Variants in PCAT7 observed in about 807,000 individuals in gnomAD.
PCAT7 encodes prostate cancer associated transcript 7 (non-protein coding).
At chr9:94,556,249 T>A (rs920296173) in intron 1 of PCAT7, among the ~76,000 whole-genome samples, 50 of 127,304 alleles carry the variant, frequency 3.9e-4, no homozygotes, top group Non-Finnish European at 1.1e-4. Context: ...AAGGGCGTGA[T>A]GACAGCGGGA....
At chr9:94,564,996 ACTGAT>A (rs1173575680) in intron 2 of PCAT7, among the ~76,000 whole-genome samples, 1 of 152,198 alleles carries the variant, frequency 6.6e-6, no homozygotes, top group Non-Finnish European at 1.5e-5. Context: ...TCCTAATTAT[ACTGAT>A]CTGATCACTG....
chr9:94,570,092 C>A (rs560614298), intron 2 of PCAT7: 44 of 152,358 alleles, frequency 2.9e-4, no homozygotes, highest in African/African-American at 1.0e-3. Flanking sequence ...TCTCTTCCTT[C>A]TGTCATGTTG....
intron 1 of PCAT7, among the ~76,000 whole-genome samples, chr9:94,558,089 A>G (rs544592443): frequency 6.6e-6 from 1 of 152,332 alleles, no homozygotes; most frequent in South Asian, 2.1e-4. Flanking sequence ...TCAAACTGTG[A>G]TTGGTCATCC....
chr9:94,563,076 G>A (rs923233194), intron 2 of PCAT7, among the ~76,000 whole-genome samples: 1 of 152,244 alleles, frequency 6.6e-6, no homozygotes, highest in African/African-American at 2.4e-5. Flanking sequence ...CACACAGCTG[G>A]TTCATGGTGA....
At chr9:94,571,659 TGCCA>T in intron 2 of PCAT7, 3 of 1,498,060 alleles carry the variant, frequency 2.0e-6, no homozygotes, top group Non-Finnish European at 2.7e-6. Context: ...GAGAACACTT[TGCCA>T]GGGGCCTGGG....
chr9:94,560,691 C>T (rs1003898571), intron 2 of PCAT7, among the ~76,000 whole-genome samples: 109 of 146,964 alleles, frequency 7.4e-4, no homozygotes, highest in Admixed American at 1.8e-3. Flanking sequence ...TTCTATTTTT[C>T]TATTATATAT....
At position 94,561,436 on chromosome 9, in the gene PCAT7, C is replaced by T. The variant is rs544251269; in HGVS notation, n.441+2284C>T. 1.2e-4 allele frequency among the ~76,000 whole-genome samples: 17 copies of T among 141,324 alleles called. No homozygotes were observed. In the South Asian group the frequency reaches 4.0e-3, roughly 33 times the overall value. The allele number at this position is 141,324 out of a possible 152,430, so 92.7% of individuals were successfully genotyped here. A position where few individuals can be genotyped will look rare whatever the true frequency, so the allele number is the denominator to read the frequency against. On this transcript the variant is annotated intron_variant and non_coding_transcript_variant, in intron 2 of 8. Coordinates refer to ENST00000647389, the Ensembl canonical transcript of PCAT7. The stretch of plus-strand genomic sequence containing the variant: ...GGAGTGCAGTGGCGCGATCTCGGCT[C>T]ACTGCAAGCTCCGCCTCCCAGGTTC...
intron 2 of PCAT7, chr9:94,571,575 C>G (rs1189905537): frequency 6.2e-7 from 1 of 1,613,624 alleles, no homozygotes; most frequent in Non-Finnish European, 8.5e-7. Context: ...TGCAGGGCAT[C>G]CTTTTCAGAA....
At chr9:94,566,420 C>G (rs1012822782) in intron 2 of PCAT7, among the ~76,000 whole-genome samples, 1 of 152,402 alleles carries the variant, frequency 6.6e-6, no homozygotes, top group South Asian at 2.1e-4. Flanking sequence ...TAAGGACATG[C>G]TCCTGCTGCA....
intron 2 of PCAT7, among the ~76,000 whole-genome samples, chr9:94,564,536 T>C (rs2131443657): frequency 6.6e-6 from 1 of 152,278 alleles, no homozygotes; most frequent in South Asian, 2.1e-4. Flanking sequence ...AAGGCCTAAT[T>C]ATCTTAAGTA....
intron 2 of PCAT7, among the ~76,000 whole-genome samples, chr9:94,571,970 T>A (rs576368562): frequency 6.6e-6 from 1 of 152,190 alleles, no homozygotes; most frequent in South Asian, 2.1e-4. Context: ...CTCTGCACAC[T>A]CAACAGCCCT....
At position 94,567,475 on chromosome 9, in the gene PCAT7, C is replaced by G. The variant is rs558886069; in HGVS notation, n.442-5504C>G. 20 of 1,582,332 alleles carry G rather than the reference C, an allele frequency of 1.3e-5. No individual in the cohort carries two copies. In the South Asian group the frequency reaches 2.1e-4, roughly 17 times the overall value. ...GGAAACAAGCCAACCGCACAATCCC[C>G]ACATCAGAGCAGGAGAAGATGGGGG... On this transcript the variant is annotated intron_variant and non_coding_transcript_variant, in intron 2 of 8. Transcript: ENST00000647389.
At chr9:94,562,133 A>T (rs1489772947) in intron 2 of PCAT7, among the ~76,000 whole-genome samples, 1 of 151,832 alleles carries the variant, frequency 6.6e-6, no homozygotes, top group Non-Finnish European at 1.5e-5. Context: ...AACATGGTGA[A>T]ACCCCGTCTC....
At chr9:94,557,264 A>T (rs917839296) in intron 1 of PCAT7, among the ~76,000 whole-genome samples, 1 of 152,192 alleles carries the variant, frequency 6.6e-6, no homozygotes. Context: ...TAAATGAAGA[A>T]TGTCTTGTAG....
At chr9:94,567,472 C>A (rs1223519494) in intron 2 of PCAT7, 7 of 1,590,730 alleles carry the variant, frequency 4.4e-6, no homozygotes, top group Non-Finnish European at 6.0e-6. Context: ...ACCGCACAAT[C>A]CCCACATCAG....
rs532727717 is a variant in PCAT7, at chr9:94,565,953, C to T, written n.441+6801C>T. Among the ~76,000 whole-genome samples, 15 of 152,228 alleles carry T rather than the reference C, an allele frequency of 9.9e-5. No individual in the cohort carries two copies. In the East Asian group the frequency reaches 2.7e-3, roughly 27 times the overall value. ...TTTTACAACATTGGGGAGAAACATC[C>T]TTGGCCCACATCTGCTTATTTTGAG... On this transcript the variant is annotated intron_variant and non_coding_transcript_variant, in intron 2 of 8. Coordinates refer to ENST00000647389, the Ensembl canonical transcript of PCAT7.
chr9:94,563,059 A>G (rs995799288), intron 2 of PCAT7, among the ~76,000 whole-genome samples: 4 of 152,246 alleles, frequency 2.6e-5, no homozygotes, highest in Non-Finnish European at 4.4e-5. Flanking sequence ...GCCTGTGGAA[A>G]GTGAGACACA....
chr9:94,561,534 T>G (rs11789810), intron 2 of PCAT7, among the ~76,000 whole-genome samples: 65,501 of 151,488 alleles, frequency 0.43, 14,999 homozygotes, highest in Admixed American at 0.53. Flanking sequence ...GGCTAATTAT[T>G]TTTTGTATTT....
At chr9:94,573,688 G>A (rs1827291057) in intron 3 of PCAT7, among the ~76,000 whole-genome samples, 1 of 152,106 alleles carries the variant, frequency 6.6e-6, no homozygotes, top group African/African-American at 2.4e-5. Flanking sequence ...ACTCAGCCAT[G>A]GTGTATAATT....
Sources: allele counts gnomAD v4.1 joint callset (sites outside exome capture counted in the v4.1 genomes callset), GRCh38; gene constraint gnomAD v4.1.1; transcripts MANE v1.5; gene names NCBI Gene and HGNC (gene_info 2026-07-23, HGNC 2026-07-21).